Variants in ZNF496 observed in about 807,000 individuals in gnomAD.
ZNF496 encodes zinc finger protein 496.
In ZNF496, 11 loss-of-function variants were observed where a neutral mutation model predicts 58.9. That is an observed-to-expected ratio of 0.19 (90% CI 0.12 to 0.31). ZNF496 has a LOEUF of 0.31. ZNF496 is among the 10% of genes least tolerant of loss of function. The pLI is 1.00. For synonymous variants in ZNF496, 338 were observed against 318.2 expected, an observed-to-expected ratio of 1.06 and a Z score of -0.66; for missense variants, 660 against 783.0, an observed-to-expected ratio of 0.84 and a Z score of 1.88.
intron 5 of ZNF496, among the ~76,000 whole-genome samples, chr1:247,324,006 T>G (rs1337496446): frequency 7.0e-6 from 1 of 142,136 alleles, no homozygotes; most frequent in Non-Finnish European, 1.5e-5. Context: ...GCCTGAGAGA[T>G]GGAGGCTGCA....
chr1:247,297,589 G>T lies in ZNF496; in HGVS notation c.*2930C>A. 1 of 152,420 alleles carries T rather than the reference G, an allele frequency of 6.6e-6. No individual in the cohort carries two copies. The highest frequency in any genetic ancestry group is 1.5e-5 in the Non-Finnish European group (1 of 68,140). The allele number at this position is 152,420 out of a possible 1,614,324, so 9.4% of individuals were successfully genotyped here. ...GGTGGGAGGGAAGGATCGAGGGGTA[G>T]CTGTTGTCAGATAAGGCCAAAGGTA... On this transcript the variant is annotated 3_prime_UTR_variant, in exon 10 of 10. Transcript: ENST00000682384.
intron 6 of ZNF496, among the ~76,000 whole-genome samples, chr1:247,316,170 G>A (rs1012874062): frequency 8.5e-4 from 126 of 148,372 alleles, no homozygotes; most frequent in African/African-American, 2.9e-3. Flanking sequence ...GTGTGTGTGT[G>A]TGCACGACTT....
rs1659141436 is a variant in ZNF496, at chr1:247,298,283, G to A, written c.*2236C>T. On this transcript the variant is annotated 3_prime_UTR_variant, in exon 10 of 10. Coordinates refer to ENST00000682384, the MANE Select transcript of ZNF496 (RefSeq NM_032752.3). Reference sequence around the variant, plus strand: ...ATGCAGATGCATCTACACAGAAACAGCAGTTGTGGTTATAAAATCTTTTAA... The same window carrying A: ...ATGCAGATGCATCTACACAGAAACAACAGTTGTGGTTATAAAATCTTTTAA... 6.6e-6 allele frequency: 1 copy of A among 152,224 alleles called. No individual in the cohort carries two copies. The highest frequency in any genetic ancestry group is 2.4e-5 in the African/African-American group (1 of 41,448). The allele number at this position is 152,224 out of a possible 1,614,324, so 9.4% of individuals were successfully genotyped here.
Position 247,300,419 on chromosome 1 carries a change from T to C in ZNF496, c.*100A>G. 1 of 1,330,168 alleles carries C rather than the reference T, an allele frequency of 7.5e-7. No individual in the cohort carries two copies. Among genetic ancestry groups the C allele is most frequent in the African/African-American group, 1.5e-5 (1 of 68,292 alleles). 82.4% of individuals were successfully genotyped at this position (1,330,168 alleles called of 1,614,324 possible). A position where few individuals can be genotyped will look rare whatever the true frequency, so the allele number is the denominator to read the frequency against. On this transcript the variant is annotated 3_prime_UTR_variant, in exon 10 of 10. Transcript: ENST00000682384. The surrounding 1 kb of genome is among the most constrained non-coding windows in gnomAD (Gnocchi z 5.7). The stretch of plus-strand genomic sequence containing the variant: ...GAGCAAGGACAGGAGGGAGGTGTGC[T>C]CTCTATCCTGGGGAAGGTATGTCCT...
chr1:247,322,930 A>G, intron 6 of ZNF496: 4 of 775,742 alleles, frequency 5.2e-6, no homozygotes, highest in Non-Finnish European at 7.9e-6. Context: ...AAGCTTCCTG[A>G]AGGTGGCCTG....
intron 5 of ZNF496, among the ~76,000 whole-genome samples, chr1:247,326,141 C>T (rs369087153): frequency 6.2e-5 from 9 of 144,988 alleles, no homozygotes; most frequent in South Asian, 2.2e-4. Context: ...TATATATATA[C>T]ACACATATAT....
chr1:247,326,518 T>C (rs1336820271), intron 5 of ZNF496, among the ~76,000 whole-genome samples: 2 of 152,150 alleles, frequency 1.3e-5, no homozygotes, highest in Admixed American at 1.3e-4. Context: ...CTTCTTCCTC[T>C]CCACCTGCAT....
At chr1:247,316,172 G>GTGTGCA (rs57316962) in intron 6 of ZNF496, among the ~76,000 whole-genome samples, 5 of 145,886 alleles carry the variant, frequency 3.4e-5, no homozygotes, top group Admixed American at 2.7e-4. Context: ...GTGTGTGTGT[G>GTGTGCA]CACGACTTCC....
At chr1:247,319,254 C>T (rs558725419) in intron 6 of ZNF496, among the ~76,000 whole-genome samples, 1 of 152,330 alleles carries the variant, frequency 6.6e-6, no homozygotes, top group Admixed American at 6.5e-5. Context: ...TCTCAAAGTG[C>T]TGGGATTATA....
At position 247,323,136 on chromosome 1, in the gene ZNF496, C is replaced by G. The variant is rs371693895; in HGVS notation, c.651+18G>C. 11 of 1,609,566 alleles carry G rather than the reference C, an allele frequency of 6.8e-6. No homozygotes were observed. The African/African-American group carries it at 1.2e-4, about 18-fold the overall frequency. On this transcript the variant is annotated intron_variant, in intron 6 of 9. Coordinates refer to ENST00000682384, the MANE Select transcript of ZNF496 (RefSeq NM_032752.3). ...GGCAAACAGGGGATTTTCAAGGACT[C>G]CTGTAGAAACCACTCACCGGGGGTA...
chr1:247,306,910 A>T (rs994418820), intron 9 of ZNF496, among the ~76,000 whole-genome samples: 1 of 152,206 alleles, frequency 6.6e-6, no homozygotes, highest in African/African-American at 2.4e-5. Flanking sequence ...CATGCCACCT[A>T]TCTCAGAAGG....
At chr1:247,307,426 G>A in intron 9 of ZNF496, 1 of 985,402 alleles carries the variant, frequency 1.0e-6, no homozygotes, top group Non-Finnish European at 1.2e-6. Flanking sequence ...GTATATTGAT[G>A]GGGCTGAGAG....
At chr1:247,302,809 T>C (rs1659290597) in intron 9 of ZNF496, among the ~76,000 whole-genome samples, 1 of 152,200 alleles carries the variant, frequency 6.6e-6, no homozygotes, top group Non-Finnish European at 1.5e-5. Context: ...ATGTGTATGA[T>C]GTACTTTGTG....
At chr1:247,327,249 C>T (rs981981726) in intron 5 of ZNF496, among the ~76,000 whole-genome samples, 2 of 152,098 alleles carry the variant, frequency 1.3e-5, no homozygotes, top group Non-Finnish European at 1.5e-5. Context: ...TTTTTAGTAG[C>T]GATGGGGTTT....
intron 9 of ZNF496, among the ~76,000 whole-genome samples, chr1:247,301,845 T>C (rs1659248990): frequency 6.6e-6 from 1 of 152,200 alleles, no homozygotes. Context: ...AGGTGATCTG[T>C]GCCAGGAAGG....
At position 247,307,449 on chromosome 1, in the gene ZNF496, C is replaced by A. The variant is rs1039870019; in HGVS notation, c.1006+1026G>T. On this transcript the variant is annotated intron_variant, in intron 9 of 9. Transcript: ENST00000682384. ...ATGGGGCTGAGAGACATGCTATGGG[C>A]AGAAAGAAGCTAGAGAAGATTCAAA... The A allele has an allele frequency of 6.1e-6, 6 of 985,260 alleles. No homozygotes were observed. In the African/African-American group the frequency reaches 1.0e-4, roughly 17 times the overall value. 61.0% of individuals were successfully genotyped at this position (985,260 alleles called of 1,614,324 possible).
chr1:247,311,147 C>T (rs1395388168), intron 6 of ZNF496: 1 of 152,378 alleles, frequency 6.6e-6, no homozygotes, highest in Non-Finnish European at 1.5e-5. Flanking sequence ...CACCTGTAAT[C>T]CCAGCACCTT....
At chr1:247,323,597 A>C (rs571130970) in intron 5 of ZNF496, among the ~76,000 whole-genome samples, 1 of 152,144 alleles carries the variant, frequency 6.6e-6, no homozygotes, top group East Asian at 1.9e-4. Context: ...TTGTTATCCA[A>C]ACTATGGGAA....
At chr1:247,307,877 C>G (rs1659466889) in intron 9 of ZNF496, 14 of 985,332 alleles carry the variant, frequency 1.4e-5, no homozygotes, top group Non-Finnish European at 1.6e-5. Flanking sequence ...TGACTTTTAC[C>G]AAGACGACTC....
Sources: gnomAD v4.1 joint callset for allele counts (sites outside exome capture counted in the v4.1 genomes callset) on GRCh38, gnomAD v4.1.1 for gene constraint, Gnocchi (gnomAD v3.1) non-coding constraint, MANE v1.5 for transcripts, NCBI Gene and HGNC (gene_info 2026-07-23, HGNC 2026-07-21) for gene names.